The following DACH1 variants were observed in gnomAD, a reference collection of about 807,000 sequenced individuals.
The protein encoded by DACH1 is dachshund family transcription factor 1, also known as dachshund homolog 1.
A neutral mutation model predicts 54.2 loss-of-function variants in DACH1; 12 were observed. The observed-to-expected ratio is 0.22, with a 90% CI of 0.14 to 0.36. The LOEUF is 0.36. Among genes scored for constraint, DACH1 ranks in the 10% least tolerant of loss-of-function variants. DACH1 has a pLI of 1.00. For missense variants in DACH1, 805 were observed against 929.8 expected (o/e 0.87, Z 1.75); for synonymous variants, 386 against 366.2 (o/e 1.05, Z -0.62).
chr13:71,473,431 A>C (rs1380289589), intron 10 of DACH1, among the ~76,000 whole-genome samples: 2 of 152,216 alleles, frequency 1.3e-5, no homozygotes, highest in Non-Finnish European at 2.9e-5. Flanking sequence ...TCTTCAGAAT[A>C]AGTCAGTCAC....
intron 6 of DACH1, among the ~76,000 whole-genome samples, chr13:71,518,361 A>T (rs575858121): frequency 2.0e-5 from 3 of 151,758 alleles, no homozygotes; most frequent in African/African-American, 7.2e-5. Flanking sequence ...CCAAACCTTG[A>T]TTTTGAACTT....
chr13:71,560,168 T>C (rs960459822), intron 4 of DACH1, among the ~76,000 whole-genome samples: 1 of 152,154 alleles, frequency 6.6e-6, no homozygotes, highest in Admixed American at 6.6e-5. Context: ...GTTCTACAGG[T>C]AAGCGTGACT....
intron 3 of DACH1, among the ~76,000 whole-genome samples, chr13:71,600,303 C>G (rs867493779): frequency 1.3e-5 from 2 of 152,170 alleles, no homozygotes; most frequent in South Asian, 4.1e-4. Flanking sequence ...TATATTCATT[C>G]AGAAATAATG....
At chr13:71,794,977 C>G (rs2138105353) in intron 1 of DACH1, among the ~76,000 whole-genome samples, 1 of 151,768 alleles carries the variant, frequency 6.6e-6, no homozygotes, top group South Asian at 2.1e-4. Context: ...ATAGTATACT[C>G]AAACCATAGC....
intron 6 of DACH1, among the ~76,000 whole-genome samples, chr13:71,544,766 T>C (rs1004211441): frequency 3.3e-5 from 5 of 152,094 alleles, no homozygotes; most frequent in Non-Finnish European, 7.4e-5. Context: ...CACATATTCA[T>C]GGAACTTGCA....
chr13:71,708,892 G>A (rs1308900442), intron 1 of DACH1, among the ~76,000 whole-genome samples: 7 of 130,162 alleles, frequency 5.4e-5, no homozygotes, highest in East Asian at 2.2e-4. Flanking sequence ...TCGCTCTGTC[G>A]CCCAAGCTGG....
intron 1 of DACH1, among the ~76,000 whole-genome samples, chr13:71,759,082 T>C (rs1243845113): frequency 1.3e-5 from 2 of 152,164 alleles, no homozygotes; most frequent in African/African-American, 2.4e-5. Context: ...CTGGAACTTT[T>C]GGACAATGCT....
intron 1 of DACH1, among the ~76,000 whole-genome samples, chr13:71,796,865 G>T (rs547338447): frequency 6.6e-6 from 1 of 152,010 alleles, no homozygotes; most frequent in Non-Finnish European, 1.5e-5. Context: ...CTTAGGGTTA[G>T]GAAACTGGTT....
intron 1 of DACH1, among the ~76,000 whole-genome samples, chr13:71,794,194 G>A (rs1886948715): frequency 6.6e-6 from 1 of 152,150 alleles, no homozygotes; most frequent in South Asian, 2.1e-4. Context: ...GAGAAACTGA[G>A]TCAATGAGAT....
At chr13:71,855,038 A>G (rs1014361027) in intron 1 of DACH1, among the ~76,000 whole-genome samples, 1 of 152,038 alleles carries the variant, frequency 6.6e-6, no homozygotes, top group African/African-American at 2.4e-5. Flanking sequence ...GATGATCATG[A>G]CTTATGATAG....
At chr13:71,633,324 T>C (rs893083098) in intron 2 of DACH1, among the ~76,000 whole-genome samples, 3 of 152,182 alleles carry the variant, frequency 2.0e-5, no homozygotes, top group African/African-American at 7.2e-5. Flanking sequence ...ACATCATGTT[T>C]AGTAAACATT....
At chr13:71,635,255 C>T (rs999278857) in intron 2 of DACH1, among the ~76,000 whole-genome samples, 4 of 152,158 alleles carry the variant, frequency 2.6e-5, no homozygotes, top group Admixed American at 2.6e-4. Flanking sequence ...TAAAGCATGA[C>T]TCTCCAAAGG....
At chr13:71,773,584 G>A (rs1475824046) in intron 1 of DACH1, among the ~76,000 whole-genome samples, 3 of 151,940 alleles carry the variant, frequency 2.0e-5, no homozygotes, top group South Asian at 2.1e-4. Flanking sequence ...TAGTCCATCT[G>A]TAATGATCTC....
At chr13:71,471,139 T>C (rs1877031097) in intron 10 of DACH1, among the ~76,000 whole-genome samples, 1 of 151,924 alleles carries the variant, frequency 6.6e-6, no homozygotes, top group African/African-American at 2.4e-5. Flanking sequence ...AAACTTCCAG[T>C]ATGATGGGAG....
intron 3 of DACH1, among the ~76,000 whole-genome samples, chr13:71,629,204 G>A (rs75740618): frequency 0.022 from 3,355 of 152,022 alleles, 134 homozygotes; most frequent in African/African-American, 0.075. Flanking sequence ...AACCATGACC[G>A]AAACAATCCT....
intron 6 of DACH1, among the ~76,000 whole-genome samples, chr13:71,551,237 C>T (rs899103063): frequency 6.6e-6 from 1 of 151,980 alleles, no homozygotes; most frequent in Non-Finnish European, 1.5e-5. Context: ...AAGACATTTA[C>T]ATAATTTTTA....
chr13:71,442,760 A>G (rs555047780), intron 10 of DACH1, among the ~76,000 whole-genome samples: 1 of 152,198 alleles, frequency 6.6e-6, no homozygotes, highest in South Asian at 2.1e-4. Flanking sequence ...GAGATTAACA[A>G]TTATAGATAA....
At chr13:71,563,341 A>C (rs1253451859) in intron 4 of DACH1, among the ~76,000 whole-genome samples, 2 of 152,004 alleles carry the variant, frequency 1.3e-5, no homozygotes, top group Non-Finnish European at 2.9e-5. Context: ...CAGTCTCTCT[A>C]AAATGATTTT....
intron 6 of DACH1, among the ~76,000 whole-genome samples, chr13:71,541,299 G>T (rs541328015): frequency 6.6e-6 from 1 of 152,078 alleles, no homozygotes; most frequent in South Asian, 2.1e-4. Context: ...GTTACTCAAA[G>T]AAGTATTTTT....
Sources: allele counts gnomAD v4.1 joint callset (sites outside exome capture counted in the v4.1 genomes callset), GRCh38; gene constraint gnomAD v4.1.1; transcripts MANE v1.5; gene names NCBI Gene and HGNC (gene_info 2026-07-23, HGNC 2026-07-21).